The following PDE6G variants were observed in gnomAD, a reference collection of about 807,000 sequenced individuals.
The protein encoded by PDE6G is rod cGMP 3',5'-cyclic phosphodiesterase subunit gamma.
PDE6G carries 10 observed loss-of-function variants against 10.9 expected under a neutral mutation model. The ratio of observed to expected loss-of-function variants is 0.91; its 90% CI spans 0.56 to 1.55. The LOEUF is 1.55. Among genes scored for constraint, PDE6G ranks in the 40% most tolerant of loss-of-function variants. The pLI is 0.00. For missense variants in PDE6G, 102 were observed against 110.1 expected (o/e 0.93, Z 0.33); for synonymous variants, 41 against 42.8 (o/e 0.96, Z 0.16).
At position 81,653,444 on chromosome 17, in the gene PDE6G, G is replaced by A; in HGVS notation, c.-59-80C>T. 1.0e-6 allele frequency: 1 copy of A among 957,816 alleles called. No homozygotes were observed. Among genetic ancestry groups the A allele is most frequent in the Non-Finnish European group, 1.6e-6 (1 of 637,592 alleles). The allele number at this position is 957,816 out of a possible 1,614,324, so 59.3% of individuals were successfully genotyped here. On this transcript the variant is annotated intron_variant, in intron 1 of 3. Coordinates refer to ENST00000331056, the MANE Select transcript of PDE6G (RefSeq NM_002602.4). The surrounding 1 kb of genome is among the most constrained non-coding windows in gnomAD (Gnocchi z 5.2). ...GGGGGTCTCAACCCACCGGTGGAGG[G>A]GCTGAGACCCAGCCCCGCCAGCTCC...
At chr17:81,656,553 G>A (rs1555693694), upstream of PDE6G, 12 of 761,650 alleles carry the variant, frequency 1.6e-5, no homozygotes, top group South Asian at 1.6e-4. Context: ...TCCGCAGGGT[G>A]CCAGCCCCGG....
At chr17:81,662,860 G>T (rs987125184) in intron 1 of PDE6G, among the ~76,000 whole-genome samples, 34 of 152,270 alleles carry the variant, frequency 2.2e-4, no homozygotes, top group African/African-American at 8.2e-4. Context: ...TTAGCTGGAT[G>T]TGGTGGCACG....
At chr17:81,654,052 A>G (rs2036410696) in intron 1 of PDE6G, among the ~76,000 whole-genome samples, 1 of 151,942 alleles carries the variant, frequency 6.6e-6, no homozygotes, top group African/African-American at 2.4e-5. Context: ...TCCTGACCTC[A>G]TGATCCACCC....
chr17:81,656,472 G>A (rs749253611), intron 1 of PDE6G, 21 bp downstream of exon 1: 2 of 758,214 alleles, frequency 2.6e-6, no homozygotes, highest in Non-Finnish European at 4.8e-6. Flanking sequence ...AGGAAAGACA[G>A]CGGGGTTGGC....
In PDE6G at chr17:81,651,235, C is replaced by T. The variant is rs751329091; in HGVS notation, c.188-85G>A. 2.0e-6 allele frequency: 2 copies of T among 979,170 alleles called. No individual in the cohort carries two copies. Among genetic ancestry groups the T allele is most frequent in the African/African-American group, 1.6e-5 (1 of 62,476 alleles). The allele number at this position is 979,170 out of a possible 1,614,324, so 60.7% of individuals were successfully genotyped here. A position where few individuals can be genotyped will look rare whatever the true frequency, so the allele number is the denominator to read the frequency against. On this transcript the variant is annotated intron_variant, in intron 3 of 3. Coordinates refer to ENST00000331056, the MANE Select transcript of PDE6G (RefSeq NM_002602.4). This position sits in a 1 kb window ranked among gnomAD's most constrained non-coding sequence, Gnocchi z 4.8. ...CCCTGTGGCCCTGTTTCCCACAGCC[C>T]AGGTGTAGCCCTACAGTGTGCTGAG...
chr17:81,661,721 G>A (rs998911007), intron 1 of PDE6G, among the ~76,000 whole-genome samples: 2 of 151,972 alleles, frequency 1.3e-5, no homozygotes, highest in Non-Finnish European at 2.9e-5. Flanking sequence ...TTAGCCATGC[G>A]TGGTGGTGGG....
Position 81,653,436 on chromosome 17 carries a change from G to A in PDE6G, c.-59-72C>T, listed in dbSNP as rs968075489. 1.2e-5 allele frequency: 13 copies of A among 1,072,358 alleles called. No homozygotes were observed. Among genetic ancestry groups the A allele is most frequent in the African/African-American group, 9.4e-5 (6 of 64,064 alleles). The allele number at this position is 1,072,358 out of a possible 1,614,324, so 66.4% of individuals were successfully genotyped here. A position where few individuals can be genotyped will look rare whatever the true frequency, so the allele number is the denominator to read the frequency against. The stretch of plus-strand genomic sequence containing the variant: ...ACCCTTGTGGGGGTCTCAACCCACC[G>A]GTGGAGGGGCTGAGACCCAGCCCCG... On this transcript the variant is annotated intron_variant, in intron 1 of 3. Transcript: ENST00000331056. This position sits in a 1 kb window ranked among gnomAD's most constrained non-coding sequence, Gnocchi z 5.2.
Position 81,650,872 on chromosome 17 carries a change from C to G in PDE6G, c.*202G>C. 1 of 655,526 alleles carries G rather than the reference C, an allele frequency of 1.5e-6. No homozygotes were observed. The highest frequency in any genetic ancestry group is 2.8e-6 in the Non-Finnish European group (1 of 355,536). 40.6% of individuals were successfully genotyped at this position (655,526 alleles called of 1,614,324 possible). ...AGATGTTGAGCAGGGCCTGGCCAGC[C>G]CCTGAGGGGGCATCCTAGAGGGAGG... On this transcript the variant is annotated 3_prime_UTR_variant, in exon 4 of 4. Coordinates refer to ENST00000331056, the MANE Select transcript of PDE6G (RefSeq NM_002602.4).
chr17:81,662,740 T>C (rs2036525084), intron 1 of PDE6G, among the ~76,000 whole-genome samples: 1 of 152,206 alleles, frequency 6.6e-6, no homozygotes, highest in African/African-American at 2.4e-5. Flanking sequence ...GGCTCATGCC[T>C]GCAATCCCAG....
At chr17:81,658,924 TACAAAG>T (rs2036483099), upstream of PDE6G, among the ~76,000 whole-genome samples, 3 of 152,178 alleles carry the variant, frequency 2.0e-5, no homozygotes, top group Middle Eastern at 3.4e-3. Context: ...ACAGACAATA[TACAAAG>T]ACAATCACAT....
upstream of PDE6G, among the ~76,000 whole-genome samples, chr17:81,658,611 C>T (rs924739737): frequency 1.3e-5 from 2 of 151,778 alleles, no homozygotes; most frequent in East Asian, 3.9e-4. Flanking sequence ...GAGGCCGAGG[C>T]AGGTGGATTA....
intron 2 of PDE6G, among the ~76,000 whole-genome samples, chr17:81,652,893 C>CTGGGCTTACAGACG (rs11270790): frequency 6.7e-6 from 1 of 148,806 alleles, no homozygotes; most frequent in African/African-American, 2.5e-5. Flanking sequence ...TCCCAAAGCG[C>CTGGGCTTACAGACG]TGAGCCACCG....
intron 1 of PDE6G, among the ~76,000 whole-genome samples, chr17:81,654,651 G>T (rs1238618715): frequency 6.6e-6 from 1 of 151,926 alleles, no homozygotes; most frequent in African/African-American, 2.4e-5. Flanking sequence ...CAAAGTGCAG[G>T]GATTACAGGC....
chr17:81,652,852 C>T (rs1183503046), intron 2 of PDE6G, among the ~76,000 whole-genome samples: 1 of 71,594 alleles, frequency 1.4e-5, no homozygotes, highest in Non-Finnish European at 2.5e-5. Flanking sequence ...TTAGGCCGGG[C>T]GCGACCTCAG....
At chr17:81,657,488 G>A (rs2036462171), upstream of PDE6G, among the ~76,000 whole-genome samples, 1 of 152,196 alleles carries the variant, frequency 6.6e-6, no homozygotes, top group Non-Finnish European at 1.5e-5. Flanking sequence ...CGTGGTCCCT[G>A]GCTTCAAGAT....
chr17:81,651,701 A>C lies in PDE6G; in HGVS notation c.147-16T>G. ...GTCCCCAAACCTGCAAGGACAGAGC[A>C]CTCAGGGACATGGCCGGGCCCAGTC... On this transcript the variant is annotated splice_polypyrimidine_tract_variant and intron_variant, in intron 2 of 3. Coordinates refer to ENST00000331056, the MANE Select transcript of PDE6G (RefSeq NM_002602.4). This position sits in a 1 kb window ranked among gnomAD's most constrained non-coding sequence, Gnocchi z 4.8. 5 of 1,613,728 alleles carry C rather than the reference A, an allele frequency of 3.1e-6. No individual in the cohort carries two copies. The highest frequency in any genetic ancestry group is 4.2e-6 in the Non-Finnish European group (5 of 1,179,792).
chr17:81,659,151 C>CTTTTTTTTTTT (rs779928637), upstream of PDE6G, among the ~76,000 whole-genome samples: 1 of 114,702 alleles, frequency 8.7e-6, no homozygotes. Context: ...CAATCCATAT[C>CTTTTTTTTTTT]TTTTTTTTTT....
At position 81,650,872 on chromosome 17, in the gene PDE6G, C is replaced by T. The variant is rs746955958; in HGVS notation, c.*202G>A. On this transcript the variant is annotated 3_prime_UTR_variant, in exon 4 of 4. Transcript: ENST00000331056. ...AGATGTTGAGCAGGGCCTGGCCAGC[C>T]CCTGAGGGGGCATCCTAGAGGGAGG... 12 of 655,410 alleles carry T rather than the reference C, an allele frequency of 1.8e-5. No homozygotes were observed. The highest frequency in any genetic ancestry group is 3.6e-5 in the African/African-American group (2 of 55,902). The allele number at this position is 655,410 out of a possible 1,614,324, so 40.6% of individuals were successfully genotyped here. A position where few individuals can be genotyped will look rare whatever the true frequency, so the allele number is the denominator to read the frequency against.
At chr17:81,654,379 C>CTTT (rs11431043) in intron 1 of PDE6G, among the ~76,000 whole-genome samples, 31 of 128,422 alleles carry the variant, frequency 2.4e-4, no homozygotes, top group East Asian at 1.2e-3. Context: ...CCCTCTGATT[C>CTTT]TTTTTTTTTT....
Sources: gnomAD v4.1 joint callset for allele counts (sites outside exome capture counted in the v4.1 genomes callset) on GRCh38, gnomAD v4.1.1 for gene constraint, Gnocchi (gnomAD v3.1) non-coding constraint, MANE v1.5 for transcripts, NCBI Gene and HGNC (gene_info 2026-07-23, HGNC 2026-07-21) for gene names.